The following PEX14 variants were observed in gnomAD, a reference collection of about 807,000 sequenced individuals.
PEX14 encodes peroxisomal membrane protein PEX14.
In PEX14, 15 loss-of-function variants were observed where a neutral mutation model predicts 49.5. The ratio of observed to expected loss-of-function variants is 0.30; its 90% CI spans 0.20 to 0.47. The LOEUF (loss-of-function observed/expected upper bound fraction) is 0.47. Among genes scored for constraint, PEX14 ranks in the 20% least tolerant of loss-of-function variants. The probability of loss-of-function intolerance (pLI) is 1.00; values close to 1 mark genes in which losing one functional copy is unlikely to be tolerated. For missense variants in PEX14, 398 were observed against 494.8 expected (o/e 0.80, Z 1.86); for synonymous variants, 210 against 212.7 (o/e 0.99, Z 0.11).
chr1:10,500,650 C>T (rs1315184402), intron 2 of PEX14, among the ~76,000 whole-genome samples: 1 of 152,136 alleles, frequency 6.6e-6, no homozygotes, highest in Non-Finnish European at 1.5e-5. Flanking sequence ...TCTCCGCTCA[C>T]TGCAACCTCT....
intron 3 of PEX14, among the ~76,000 whole-genome samples, chr1:10,590,288 G>A (rs762373282): frequency 1.9e-4 from 29 of 152,342 alleles, no homozygotes; most frequent in African/African-American, 7.0e-4. Context: ...CAGGGTTAGC[G>A]TGGAGCTCAA....
chr1:10,603,819 C>T (rs966430685), intron 4 of PEX14, among the ~76,000 whole-genome samples: 57 of 152,164 alleles, frequency 3.7e-4, no homozygotes, highest in African/African-American at 1.3e-3. Flanking sequence ...CATTTTCCCT[C>T]CACTGTCTTT....
At chr1:10,608,864 T>G (rs1641198636) in intron 4 of PEX14, among the ~76,000 whole-genome samples, 1 of 152,170 alleles carries the variant, frequency 6.6e-6, no homozygotes, top group South Asian at 2.1e-4. Flanking sequence ...ATAAATCAGC[T>G]TTAGAGTACT....
At chr1:10,566,747 C>T (rs1639816822) in intron 3 of PEX14, among the ~76,000 whole-genome samples, 1 of 152,064 alleles carries the variant, frequency 6.6e-6, no homozygotes, top group Non-Finnish European at 1.5e-5. Context: ...AAACTCCCGA[C>T]CTCAGGTGAT....
At chr1:10,504,094 A>AT (rs368862345) in intron 2 of PEX14, among the ~76,000 whole-genome samples, 1 of 152,274 alleles carries the variant, frequency 6.6e-6, no homozygotes, top group African/African-American at 2.4e-5. Context: ...ACGCAGAATG[A>AT]TTTTTGGCTC....
At chr1:10,492,642 C>A (rs917996147) in intron 1 of PEX14, among the ~76,000 whole-genome samples, 3 of 152,158 alleles carry the variant, frequency 2.0e-5, no homozygotes, top group African/African-American at 7.2e-5. Flanking sequence ...GTAGAGGAAA[C>A]CCTCAGGAAG....
chr1:10,579,273 C>G (rs2124566143), intron 3 of PEX14, among the ~76,000 whole-genome samples: 1 of 152,146 alleles, frequency 6.6e-6, no homozygotes, highest in African/African-American at 2.4e-5. Flanking sequence ...GACACTTTAT[C>G]TAGAATTCTC....
intron 2 of PEX14, among the ~76,000 whole-genome samples, chr1:10,532,800 T>C (rs1413640961): frequency 6.6e-6 from 1 of 152,186 alleles, no homozygotes; most frequent in African/African-American, 2.4e-5. Context: ...CATCATCGAA[T>C]CCAACAAAAG....
At chr1:10,520,163 G>GTT (rs1553185445) in intron 2 of PEX14, among the ~76,000 whole-genome samples, 3 of 41,932 alleles carry the variant, frequency 7.2e-5, no homozygotes, top group Non-Finnish European at 1.5e-4. Flanking sequence ...TTTTTTTTTT[G>GTT]TTTTTTTAAC....
At chr1:10,576,370 A>G (rs1366427600) in intron 3 of PEX14, among the ~76,000 whole-genome samples, 1 of 152,196 alleles carries the variant, frequency 6.6e-6, no homozygotes, top group African/African-American at 2.4e-5. Flanking sequence ...TTATTTAATC[A>G]CAAAAACCCT....
intron 3 of PEX14, among the ~76,000 whole-genome samples, chr1:10,543,888 C>T (rs759740815): frequency 9.9e-5 from 15 of 152,270 alleles, no homozygotes; most frequent in Middle Eastern, 3.4e-3. Flanking sequence ...ACATGAACCA[C>T]GGCACCTGGC....
At chr1:10,565,565 T>A (rs1450324129) in intron 3 of PEX14, among the ~76,000 whole-genome samples, 2 of 152,232 alleles carry the variant, frequency 1.3e-5, no homozygotes, top group African/African-American at 4.8e-5. Flanking sequence ...TGATTTGAAT[T>A]TCTCTTTTGA....
chr1:10,535,899 A>T (rs559203984), intron 2 of PEX14: 1 of 386,922 alleles, frequency 2.6e-6, no homozygotes, highest in African/African-American at 2.1e-5. Context: ...ATGGGTGCGC[A>T]TGGCCACACC....
chr1:10,541,942 G>A (rs1184531622), intron 3 of PEX14, among the ~76,000 whole-genome samples: 2 of 152,162 alleles, frequency 1.3e-5, no homozygotes, highest in Non-Finnish European at 2.9e-5. Context: ...AGTTTGCGGG[G>A]AGGGAACACT....
chr1:10,500,157 C>T lies in PEX14; in HGVS notation c.84+4836C>T, dbSNP rs373062624. On this transcript the variant is annotated intron_variant, in intron 2 of 8. Coordinates refer to ENST00000356607, the MANE Select transcript of PEX14 (RefSeq NM_004565.3). Reference sequence around the variant, plus strand: ...GGTGCTCACGCCTGTAATCCCAGCACTGTGGGAGGCCGAGGCGGGTGGATC... The same window carrying T: ...GGTGCTCACGCCTGTAATCCCAGCATTGTGGGAGGCCGAGGCGGGTGGATC... Among the ~76,000 whole-genome samples, 328 of 151,184 alleles carry T rather than the reference C, an allele frequency of 2.2e-3. 1 individual carries two copies. Among genetic ancestry groups the T allele is most frequent in the African/African-American group, 7.6e-3 (312 of 41,164 alleles).
intron 4 of PEX14, among the ~76,000 whole-genome samples, chr1:10,612,878 A>G (rs481453): frequency 0.21 from 32,308 of 152,208 alleles, 4,470 homozygotes; most frequent in African/African-American, 0.4. Flanking sequence ...ACTGCTGTAT[A>G]GAGACATGGC....
intron 2 of PEX14, among the ~76,000 whole-genome samples, chr1:10,503,311 GAAAGA>G (rs1176445817): frequency 1.8e-4 from 21 of 117,150 alleles, no homozygotes; most frequent in African/African-American, 4.4e-4. Context: ...AAAAAAGAAA[GAAAGA>G]AAAGAAAAGA....
chr1:10,596,589 C>A (rs1368965079), intron 3 of PEX14, among the ~76,000 whole-genome samples: 1 of 152,096 alleles, frequency 6.6e-6, no homozygotes, highest in Non-Finnish European at 1.5e-5. Flanking sequence ...TGGAGAGTCA[C>A]TGGGCTGAAG....
At chr1:10,595,007 T>C (rs1640796314) in intron 3 of PEX14, among the ~76,000 whole-genome samples, 1 of 151,876 alleles carries the variant, frequency 6.6e-6, no homozygotes, top group Admixed American at 6.6e-5. Flanking sequence ...TATTAATCAA[T>C]AGGATGTAGC....
Sources: allele counts gnomAD v4.1 joint callset (sites outside exome capture counted in the v4.1 genomes callset), GRCh38; gene constraint gnomAD v4.1.1; transcripts MANE v1.5; gene names NCBI Gene and HGNC (gene_info 2026-07-23, HGNC 2026-07-21).